Variants in S100A7 observed in about 807,000 individuals in gnomAD.
S100A7 encodes the protein S100 calcium binding protein A7.
S100A7 carries 2 observed loss-of-function variants against 3.8 expected under a neutral mutation model. That is an observed-to-expected ratio of 0.53 (90% CI 0.22 to 1.67). The LOEUF (loss-of-function observed/expected upper bound fraction) is 1.67. S100A7 is among the 40% of genes most tolerant of loss of function. The pLI, the probability that S100A7 is intolerant of heterozygous loss-of-function variation, is 0.20. For synonymous variants in S100A7, 55 were observed against 45.9 expected (o/e 1.20, Z -0.80); for missense variants, 130 against 126.3 (o/e 1.03, Z -0.14).
intron 2 of S100A7, 39 bp downstream of exon 2, chr1:153,458,834 A>T: frequency 6.2e-7 from 1 of 1,609,964 alleles, no homozygotes; most frequent in Non-Finnish European, 8.5e-7. Context: ...ACATAGCAAA[A>T]TGTATCCTCC....
At position 153,458,953 on chromosome 1, in the gene S100A7, T is replaced by C. The variant is rs755616135; in HGVS notation, c.61A>G (p.Thr21Ala). 1.2e-6 allele frequency: 2 copies of C among 1,614,084 alleles called. No homozygotes were observed. The highest frequency in any genetic ancestry group is 1.7e-6 in the Non-Finnish European group (2 of 1,179,954). Residue 21 changes from threonine to alanine, a missense_variant, in exon 2 of 3, where the codon ACC (threonine) becomes GCC (alanine). Thr to Ala is a moderately conservative substitution (Grantham distance 58). Transcript: ENST00000368723. ...IGMIDMFHKY[T>A]RRDDKIEKPS... ...TTCTCAATCTTGTCATCACGTCTGG[T>C]GTATTTGTGAAACATGTCGATCATG... is the stretch of plus-strand genomic sequence containing the variant.
chr1:153,459,062 C>T, intron 1 of S100A7, 32 bp from the exon 2 acceptor site: 1 of 1,602,884 alleles, frequency 6.2e-7, no homozygotes. Flanking sequence ...ATTTTTTTCC[C>T]TTCATTTAAG....
At chr1:153,460,412 G>A (rs1306074862) in intron 1 of S100A7, among the ~76,000 whole-genome samples, 196 bp downstream of exon 1, 1 of 152,232 alleles carries the variant, frequency 6.6e-6, no homozygotes, top group Non-Finnish European at 1.5e-5. Context: ...CAATGGACAG[G>A]TCTGGTTCAG....
At position 153,459,041 on chromosome 1, in the gene S100A7, TAA is replaced by T; in HGVS notation, c.-17-13_-17-12del. 2.5e-6 allele frequency: 4 copies of T among 1,609,270 alleles called. No individual in the cohort carries two copies. In the South Asian group the frequency reaches 4.4e-5, roughly 18 times the overall value. Reference sequence around the variant, plus strand: ...TTGCTTTCAAAAAGCCTTCAGGAAATAAAGACAATCATTTTTTTCCCTTCATT... The same window carrying T: ...TTGCTTTCAAAAAGCCTTCAGGAAATAGACAATCATTTTTTTCCCTTCATT... On this transcript the variant is annotated splice_polypyrimidine_tract_variant and intron_variant, in intron 1 of 2. Coordinates refer to ENST00000368723, the MANE Select transcript of S100A7 (RefSeq NM_002963.4).
chr1:153,459,051 C>A, intron 1 of S100A7, 21 bp from the exon 2 acceptor site: 3 of 1,606,446 alleles, frequency 1.9e-6, no homozygotes, highest in Non-Finnish European at 1.7e-6. Flanking sequence ...TAAAGACAAT[C>A]ATTTTTTTCC....
rs766366283 is a variant in S100A7 at position 153,457,845 on chromosome 1, C to G, written c.267G>C (p.Gln89His). The change falls in exon 3 of 3, where the codon CAG becomes CAC. Residue 89 changes from glutamine to histidine, a missense_variant. Coordinates refer to ENST00000368723, the MANE Select transcript of S100A7 (RefSeq NM_002963.4). ...CGGAACAGGGCGCTGCTCCATGGCTCTGCTTGTGGTAGTCTGTGGCTATGT... is the reference window on the plus strand; with the variant it reads ...CGGAACAGGGCGCTGCTCCATGGCTGTGCTTGTGGTAGTCTGTGGCTATGT... ...LGDIATDYHK[Q>H]SHGAAPCSGG... The G allele has an allele frequency of 3.7e-6, 6 of 1,614,158 alleles. No homozygotes were observed. The South Asian group carries it at 6.6e-5, about 18-fold the overall frequency.
intron 2 of S100A7, among the ~76,000 whole-genome samples, chr1:153,458,189 G>A (rs1167956458): frequency 2.0e-5 from 3 of 151,998 alleles, no homozygotes; most frequent in African/African-American, 7.2e-5. Flanking sequence ...CCTCAGGATG[G>A]GAGGCAGGTC....
chr1:153,459,871 A>C (rs1663786390), intron 1 of S100A7: 1 of 152,260 alleles, frequency 6.6e-6, no homozygotes, highest in Non-Finnish European at 1.5e-5. Flanking sequence ...CTGCACCCCA[A>C]GCCTGAAAAA....
At chr1:153,458,801 G>C (rs762400857) in intron 2 of S100A7, 72 bp downstream of exon 2, 11 of 1,542,880 alleles carry the variant, frequency 7.1e-6, no homozygotes, top group Middle Eastern at 3.8e-4. Context: ...TAATCAGAGG[G>C]TGAGGGTGAT....
Position 153,458,863 on chromosome 1 carries a change from A to C in S100A7, c.141+10T>G, listed in dbSNP as rs765232522. 2.5e-6 allele frequency: 4 copies of C among 1,613,668 alleles called. No homozygotes were observed. Among genetic ancestry groups the C allele is most frequent in the East Asian group, 2.2e-5 (1 of 44,856 alleles). On this transcript the variant is annotated intron_variant, in intron 2 of 2. Coordinates refer to ENST00000368723, the MANE Select transcript of S100A7 (RefSeq NM_002963.4). ...ATCCTCCAACATTGAGAAGCTAGAC[A>C]CCGACTCACACAGGCACTAAGGAAG...
chr1:153,458,114 G>A, intron 2 of S100A7, 144 bp from the exon 3 acceptor site: 1 of 904,726 alleles, frequency 1.1e-6, no homozygotes, highest in South Asian at 1.7e-5. Context: ...GGGTGAGTGG[G>A]TGAAGTTGGG....
rs897663446 is a variant in S100A7 at position 153,460,594 on chromosome 1, C to T, written c.-18+14G>A. The T allele has an allele frequency of 6.9e-6, 7 of 1,014,804 alleles. No individual in the cohort carries two copies. Among genetic ancestry groups the T allele is most frequent in the African/African-American group, 3.2e-5 (2 of 62,634 alleles). 62.9% of individuals were successfully genotyped at this position (1,014,804 alleles called of 1,614,324 possible). A position where few individuals can be genotyped will look rare whatever the true frequency, so the allele number is the denominator to read the frequency against. ...GGCACTTCTAGAAAACGCAAAGAGG[C>T]AGGTGAGACTTACCAGAGCTGGGAA... is the stretch of plus-strand genomic sequence containing the variant. On this transcript the variant is annotated intron_variant, in intron 1 of 2. Transcript: ENST00000368723.
At chr1:153,458,395 TC>T (rs1479071262) in intron 2 of S100A7, among the ~76,000 whole-genome samples, 3 of 152,204 alleles carry the variant, frequency 2.0e-5, no homozygotes, top group African/African-American at 4.8e-5. Context: ...AAACTCATCT[TC>T]TGGGTATCCT....
intron 1 of S100A7, 29 bp from the exon 2 acceptor site, chr1:153,459,059 T>G (rs770817658): frequency 6.2e-7 from 1 of 1,604,044 alleles, no homozygotes; most frequent in Non-Finnish European, 8.5e-7. Context: ...ATCATTTTTT[T>G]CCCTTCATTT....
intron 1 of S100A7, 93 bp downstream of exon 1, chr1:153,460,515 T>A (rs55668683): frequency 0.11 from 74,785 of 670,928 alleles, 4,545 homozygotes; most frequent in African/African-American, 0.2. Context: ...GGCTTCTGAG[T>A]CTTTGTCCAC....
At chr1:153,458,117 A>G (rs368628801) in intron 2 of S100A7, 147 bp from the exon 3 acceptor site, 2 of 879,750 alleles carry the variant, frequency 2.3e-6, no homozygotes, top group African/African-American at 3.4e-5. Flanking sequence ...TGAGTGGGTG[A>G]AGTTGGGGTG....
chr1:153,460,439 A>T (rs897720338), intron 1 of S100A7, among the ~76,000 whole-genome samples, 169 bp downstream of exon 1: 2 of 152,194 alleles, frequency 1.3e-5, no homozygotes, highest in African/African-American at 4.8e-5. Flanking sequence ...GGTTATACAG[A>T]CGTGGGCTTT....
rs537183570 is a variant in S100A7, at chr1:153,458,086, G to C, written c.142-116C>G. The C allele has an allele frequency of 1.9e-4, 225 of 1,215,490 alleles. 1 individual carries two copies. In the South Asian group the frequency reaches 2.5e-3, roughly 13 times the overall value. The allele number at this position is 1,215,490 out of a possible 1,614,324, so 75.3% of individuals were successfully genotyped here. Reference sequence around the variant, plus strand: ...GTACCTAGATCTGCACAGGCATGGTGGCGGGGCTGAGAGCACAGGGTGAGT... The same window carrying C: ...GTACCTAGATCTGCACAGGCATGGTCGCGGGGCTGAGAGCACAGGGTGAGT... On this transcript the variant is annotated intron_variant, in intron 2 of 2. Transcript: ENST00000368723.
Position 153,458,988 on chromosome 1 carries a change from G to A in S100A7, c.26C>T (p.Ser9Phe). The change falls in exon 2 of 3, where the codon TCC becomes TTC. Residue 9 changes from serine to phenylalanine, a missense_variant. Ser to Phe is a radical substitution (Grantham distance 155). Coordinates refer to ENST00000368723, the MANE Select transcript of S100A7 (RefSeq NM_002963.4). Reference protein sequence around the residue: MSNTQAERSIIGMIDMFHK... With the variant: MSNTQAERFIIGMIDMFHK... Reference sequence around the variant, plus strand: ...AAACATGTCGATCATGCCTATTATGGACCTCTCAGCTTGAGTGTTGCTCAT... The same window carrying A: ...AAACATGTCGATCATGCCTATTATGAACCTCTCAGCTTGAGTGTTGCTCAT... 1.1e-5 allele frequency: 17 copies of A among 1,614,046 alleles called. No homozygotes were observed. Among genetic ancestry groups the A allele is most frequent in the Non-Finnish European group, 1.4e-5 (17 of 1,179,990 alleles).
Sources: gnomAD v4.1 joint callset for allele counts (sites outside exome capture counted in the v4.1 genomes callset) on GRCh38, gnomAD v4.1.1 for gene constraint, MANE v1.5 for transcripts, NCBI Gene and HGNC (gene_info 2026-07-23, HGNC 2026-07-21) for gene names.